LPGAT1: variants seen among roughly 807,000 people sequenced by gnomAD.
LPGAT1 encodes the protein lysophosphatidylglycerol acyltransferase 1.
Under a neutral mutation model 47.5 loss-of-function variants are expected in LPGAT1, and 11 were observed. That is an observed-to-expected ratio of 0.23 (90% confidence interval 0.15 to 0.38). The LOEUF is 0.38. Among genes scored for constraint, LPGAT1 ranks in the 10% least tolerant of loss-of-function variants. The pLI is 1.00. For synonymous variants in LPGAT1, 138 were observed against 144.2 expected (o/e 0.96, Z 0.31); for missense variants, 293 against 439.0 (o/e 0.67, Z 2.97).
At chr1:211,807,402 A>G (rs1659800889) in intron 2 of LPGAT1, among the ~76,000 whole-genome samples, 1 of 152,188 alleles carries the variant, frequency 6.6e-6, no homozygotes, top group Non-Finnish European at 1.5e-5. Context: ...TTTGCACATA[A>G]GTGAATTTTA....
Position 211,746,236 on chromosome 1 carries a change from A to G in LPGAT1, c.*3663T>C, listed in dbSNP as rs1656937439. ...TGAAGACGCTTCTTAACATGAATCC[A>G]AGACAGCAACACTAGAATAATGTTC... is the stretch of plus-strand genomic sequence containing the variant. On this transcript the variant is annotated 3_prime_UTR_variant, in exon 8 of 8. Coordinates refer to ENST00000366997, the MANE Select transcript of LPGAT1 (RefSeq NM_014873.3). The G allele has an allele frequency of 6.6e-6, 1 of 152,654 alleles. No homozygotes were observed. The highest frequency in any genetic ancestry group is 2.4e-5 in the African/African-American group (1 of 41,462). The allele number at this position is 152,654 out of a possible 1,614,324, so 9.5% of individuals were successfully genotyped here. A position where few individuals can be genotyped will look rare whatever the true frequency, so the allele number is the denominator to read the frequency against.
intron 3 of LPGAT1, among the ~76,000 whole-genome samples, chr1:211,788,396 C>T (rs931737618): frequency 6.6e-6 from 1 of 151,968 alleles, no homozygotes; most frequent in Non-Finnish European, 1.5e-5. Context: ...AAAATTAAAA[C>T]TACAGGCCAG....
intron 3 of LPGAT1, among the ~76,000 whole-genome samples, chr1:211,789,642 G>A (rs957099963): frequency 1.2e-4 from 19 of 152,184 alleles, no homozygotes; most frequent in African/African-American, 4.3e-4. Flanking sequence ...AGCACTTTGG[G>A]AGGCTGAGGT....
chr1:211,801,003 C>A (rs1466934142), intron 2 of LPGAT1, among the ~76,000 whole-genome samples: 1 of 152,180 alleles, frequency 6.6e-6, no homozygotes, highest in Non-Finnish European at 1.5e-5. Flanking sequence ...GTGAAATATT[C>A]CAATAAGATT....
chr1:211,750,979 A>C lies in LPGAT1; in HGVS notation c.943T>G (p.Ser315Ala). 6.2e-7 allele frequency: 1 copy of C among 1,612,366 alleles called. No homozygotes were observed. Among genetic ancestry groups the C allele is most frequent in the Non-Finnish European group, 8.5e-7 (1 of 1,178,430 alleles). ...QRFVEKEDLL[S>A]HFYETGAFPP... ...TGTGTACCTGTTTCATAAAAATGTG[A>C]TAAGAGGTCTTCTTTTTCAACAAAC... Residue 315 changes from serine (S) to alanine (A), a missense_variant, in exon 7 of 8, where the codon TCA (serine) becomes GCA (alanine). Transcript: ENST00000366997.
intron 6 of LPGAT1, among the ~76,000 whole-genome samples, chr1:211,752,383 C>A (rs1188935775): frequency 3.3e-5 from 5 of 151,530 alleles, no homozygotes; most frequent in Non-Finnish European, 7.4e-5. Context: ...CACTTTAAAT[C>A]TTGAGAGAGA....
intron 6 of LPGAT1, among the ~76,000 whole-genome samples, chr1:211,755,366 A>T (rs1241993328): frequency 1.3e-5 from 2 of 151,798 alleles, no homozygotes; most frequent in Non-Finnish European, 2.9e-5. Context: ...AATAAATAAA[A>T]AATTTTATAG....
At chr1:211,790,539 A>C (rs1301528262) in intron 3 of LPGAT1, among the ~76,000 whole-genome samples, 1 of 152,234 alleles carries the variant, frequency 6.6e-6, no homozygotes, top group East Asian at 1.9e-4. Flanking sequence ...GGGAAAGATT[A>C]TAATGCTTCC....
chr1:211,779,077 A>G (rs767639335), intron 5 of LPGAT1, 33 bp from the exon 6 acceptor site: 4 of 1,523,476 alleles, frequency 2.6e-6, no homozygotes, highest in Non-Finnish European at 1.8e-6. Flanking sequence ...TTAAAATTAA[A>G]TCAACTTTTA....
At chr1:211,823,965 A>T (rs906100898) in intron 2 of LPGAT1, among the ~76,000 whole-genome samples, 2 of 152,016 alleles carry the variant, frequency 1.3e-5, no homozygotes, top group Admixed American at 1.3e-4. Context: ...AAATTAACAA[A>T]TGTGGTATTT....
intron 2 of LPGAT1, among the ~76,000 whole-genome samples, chr1:211,819,984 CA>C (rs879614623): frequency 5.5e-4 from 77 of 141,124 alleles, no homozygotes; most frequent in Middle Eastern, 3.7e-3. Context: ...GACTCCGTCT[CA>C]AAAAAAAAAA....
At chr1:211,802,073 G>C (rs151028708) in intron 2 of LPGAT1, among the ~76,000 whole-genome samples, 4,919 of 138,388 alleles carry the variant, frequency 0.036, 132 homozygotes, top group Non-Finnish European at 0.057. Flanking sequence ...GGGTAACAGA[G>C]TGAGACTCTG....
intron 2 of LPGAT1, among the ~76,000 whole-genome samples, chr1:211,821,058 A>C (rs1660355122): frequency 6.6e-6 from 1 of 152,160 alleles, no homozygotes; most frequent in Non-Finnish European, 1.5e-5. Flanking sequence ...AAAAAAAAGA[A>C]AGTGTGAGGC....
intron 2 of LPGAT1, among the ~76,000 whole-genome samples, chr1:211,815,971 C>T (rs953397691): frequency 6.6e-6 from 1 of 151,616 alleles, no homozygotes; most frequent in Non-Finnish European, 1.5e-5. Flanking sequence ...TTAGTAGAGA[C>T]GGGGTTTCAC....
At chr1:211,806,490 G>C (rs1309789011) in intron 2 of LPGAT1, among the ~76,000 whole-genome samples, 1 of 152,050 alleles carries the variant, frequency 6.6e-6, no homozygotes, top group East Asian at 1.9e-4. Context: ...CAGACACAAA[G>C]ATGGGAATGG....
intron 2 of LPGAT1, among the ~76,000 whole-genome samples, chr1:211,796,298 C>T (rs1014816810): frequency 4.6e-5 from 7 of 152,102 alleles, no homozygotes; most frequent in African/African-American, 1.2e-4. Context: ...TGAGGTCATA[C>T]TGGATTAGGG....
Position 211,829,606 on chromosome 1 carries a change from C to G in LPGAT1, c.-27-283G>C, listed in dbSNP as rs1240949161. Reference sequence around the variant, plus strand: ...CCCATTCAGTAATCGGTGGCCGTCCCCGCACCGTGTCTCACTGCGGTCGTC... The same window carrying G: ...CCCATTCAGTAATCGGTGGCCGTCCGCGCACCGTGTCTCACTGCGGTCGTC... On this transcript the variant is annotated intron_variant, in intron 1 of 7. Coordinates refer to ENST00000366997, the MANE Select transcript of LPGAT1 (RefSeq NM_014873.3). The G allele has an allele frequency of 4.2e-6, 5 of 1,199,382 alleles. No homozygotes were observed. In the Admixed American group the frequency reaches 1.6e-4, roughly 39 times the overall value. 74.3% of individuals were successfully genotyped at this position (1,199,382 alleles called of 1,614,324 possible).
intron 2 of LPGAT1, among the ~76,000 whole-genome samples, chr1:211,804,541 TTC>T (rs1019026437): frequency 2.6e-5 from 4 of 152,200 alleles, no homozygotes; most frequent in African/African-American, 9.6e-5. Context: ...CCAGTTATTT[TTC>T]TCTGTGTATA....
At position 211,830,554 on chromosome 1, in the gene LPGAT1, C is replaced by T. The variant is rs1337986506; in HGVS notation, c.-28+19G>A. 1 of 1,205,580 alleles carries T rather than the reference C, an allele frequency of 8.3e-7. No individual in the cohort carries two copies. Among genetic ancestry groups the T allele is most frequent in the Non-Finnish European group, 1.0e-6 (1 of 971,014 alleles). 74.7% of individuals were successfully genotyped at this position (1,205,580 alleles called of 1,614,324 possible). A position where few individuals can be genotyped will look rare whatever the true frequency, so the allele number is the denominator to read the frequency against. On this transcript the variant is annotated intron_variant, in intron 1 of 7. Transcript: ENST00000366997. The surrounding 1 kb of genome is among the most constrained non-coding windows in gnomAD (Gnocchi z 5.9). Reference sequence around the variant, plus strand: ...TCCGCTGCCGCTCTGGGGCCTGCGACCGCGGAGCCGGAGGTTACCTCGGGC... The same window carrying T: ...TCCGCTGCCGCTCTGGGGCCTGCGATCGCGGAGCCGGAGGTTACCTCGGGC...
Sources: allele counts gnomAD v4.1 joint callset (sites outside exome capture counted in the v4.1 genomes callset), GRCh38; gene constraint gnomAD v4.1.1; non-coding constraint Gnocchi (gnomAD v3.1); transcripts MANE v1.5; gene names NCBI Gene and HGNC (gene_info 2026-07-23, HGNC 2026-07-21).